The following NLGN1 variants were observed in gnomAD, a reference collection of about 807,000 sequenced individuals.
NLGN1 encodes neuroligin-1.
NLGN1 carries 12 observed loss-of-function variants against 65.5 expected under a neutral mutation model. That is an observed-to-expected ratio of 0.18 (90% CI 0.12 to 0.30). The LOEUF is 0.30. Ranked by LOEUF, NLGN1 falls within the 10% of genes least tolerant of loss-of-function variation. NLGN1 has a pLI of 1.00. For missense variants in NLGN1, 750 were observed against 1,007.1 expected, an observed-to-expected ratio of 0.74 and a Z score of 3.46; for synonymous variants, 350 against 359.5, an observed-to-expected ratio of 0.97 and a Z score of 0.30.
chr3:174,265,209 T>C (rs1183997362), intron 4 of NLGN1, among the ~76,000 whole-genome samples: 3,020 of 149,726 alleles, frequency 0.02, 113 homozygotes, highest in African/African-American at 0.057. Flanking sequence ...GGGCTCCACC[T>C]AGTTCGAGCT....
intron 4 of NLGN1, among the ~76,000 whole-genome samples, chr3:173,982,544 A>G (rs1230493541): frequency 6.6e-6 from 1 of 152,154 alleles, no homozygotes; most frequent in African/African-American, 2.4e-5. Flanking sequence ...TAATAAATTT[A>G]GAATAAGGGC....
At chr3:174,168,027 C>T (rs1727855356) in intron 4 of NLGN1, among the ~76,000 whole-genome samples, 1 of 151,482 alleles carries the variant, frequency 6.6e-6, no homozygotes, top group African/African-American at 2.4e-5. Context: ...TTTGAAATTC[C>T]TTAAGTTTTT....
At chr3:173,511,716 C>T (rs1577045334) in intron 2 of NLGN1, among the ~76,000 whole-genome samples, 1 of 151,770 alleles carries the variant, frequency 6.6e-6, no homozygotes, top group South Asian at 2.1e-4. Flanking sequence ...ATTGTCATAT[C>T]CTCAAGCTCA....
At chr3:174,110,771 A>G (rs577410990) in intron 4 of NLGN1, among the ~76,000 whole-genome samples, 15 of 152,114 alleles carry the variant, frequency 9.9e-5, no homozygotes, top group African/African-American at 3.6e-4. Context: ...CTTCATTTTA[A>G]AATATGTTTT....
At chr3:174,012,121 G>A (rs1725681356) in intron 4 of NLGN1, among the ~76,000 whole-genome samples, 1 of 152,084 alleles carries the variant, frequency 6.6e-6, no homozygotes, top group Non-Finnish European at 1.5e-5. Context: ...AGGCCACCAT[G>A]ACAATGAGTC....
At chr3:173,525,416 T>C (rs544029540) in intron 2 of NLGN1, among the ~76,000 whole-genome samples, 12 of 152,296 alleles carry the variant, frequency 7.9e-5, no homozygotes, top group African/African-American at 2.9e-4. Context: ...GAGACATTCA[T>C]AGTATTCCTT....
chr3:173,928,487 A>G (rs988093375), intron 4 of NLGN1, among the ~76,000 whole-genome samples: 7 of 152,166 alleles, frequency 4.6e-5, no homozygotes, highest in African/African-American at 1.7e-4. Flanking sequence ...GGAGATAGGA[A>G]CTATGTCACA....
intron 4 of NLGN1, among the ~76,000 whole-genome samples, chr3:174,016,262 CT>C (rs978268537): frequency 2.6e-5 from 4 of 152,096 alleles, no homozygotes; most frequent in Non-Finnish European, 4.4e-5. Context: ...ATCAGAGAAA[CT>C]TTTGGGTTAT....
intron 3 of NLGN1, among the ~76,000 whole-genome samples, chr3:173,662,306 C>T (rs1761041905): frequency 6.6e-6 from 1 of 151,976 alleles, no homozygotes; most frequent in Non-Finnish European, 1.5e-5. Flanking sequence ...AAATAATTTG[C>T]TTCTAGACAT....
intron 3 of NLGN1, among the ~76,000 whole-genome samples, chr3:173,742,858 A>G (rs995969324): frequency 2.0e-5 from 3 of 152,138 alleles, no homozygotes; most frequent in African/African-American, 7.2e-5. Flanking sequence ...GAAAAGCAGA[A>G]AATACATTTC....
chr3:174,041,151 G>A (rs1732216206), intron 4 of NLGN1, among the ~76,000 whole-genome samples: 1 of 152,024 alleles, frequency 6.6e-6, no homozygotes, highest in Admixed American at 6.6e-5. Context: ...ATTGCCACCT[G>A]TCCCCAAAGT....
intron 4 of NLGN1, among the ~76,000 whole-genome samples, chr3:173,896,138 A>G (rs926390847): frequency 4.6e-5 from 7 of 152,142 alleles, no homozygotes; most frequent in African/African-American, 1.7e-4. Flanking sequence ...TCTGCTAGGT[A>G]GTGTGCTTGA....
intron 4 of NLGN1, among the ~76,000 whole-genome samples, chr3:173,850,788 G>A (rs1223627852): frequency 6.6e-6 from 1 of 152,082 alleles, no homozygotes; most frequent in Non-Finnish European, 1.5e-5. Context: ...CCAGGCTAGA[G>A]TGCAGTGGCA....
chr3:173,759,249 T>C (rs1777596143), intron 3 of NLGN1, among the ~76,000 whole-genome samples: 1 of 152,000 alleles, frequency 6.6e-6, no homozygotes, highest in Non-Finnish European at 1.5e-5. Context: ...TTTCACTAAT[T>C]AACAACTCAT....
intron 3 of NLGN1, among the ~76,000 whole-genome samples, chr3:173,669,718 G>T (rs1246097113): frequency 6.6e-6 from 1 of 152,126 alleles, no homozygotes; most frequent in Non-Finnish European, 1.5e-5. Context: ...TCTAACTTCA[G>T]CATTAAATGG....
chr3:174,224,919 G>A (rs112233970), intron 4 of NLGN1, among the ~76,000 whole-genome samples: 1,783 of 152,248 alleles, frequency 0.012, 56 homozygotes, highest in African/African-American at 0.041. Flanking sequence ...GAGGTCAACT[G>A]ATGGGTCTAA....
chr3:173,521,771 C>T (rs1734800269), intron 2 of NLGN1, among the ~76,000 whole-genome samples: 1 of 152,160 alleles, frequency 6.6e-6, no homozygotes, highest in South Asian at 2.1e-4. Flanking sequence ...TTAATCTTCA[C>T]AGTTAATACT....
intron 3 of NLGN1, among the ~76,000 whole-genome samples, chr3:173,661,527 A>G (rs1159623855): frequency 1.3e-5 from 2 of 152,034 alleles, no homozygotes; most frequent in Non-Finnish European, 2.9e-5. Flanking sequence ...GCGAGATTAT[A>G]GAGCAGGAAT....
At chr3:173,456,011 G>A (rs914334260) in intron 2 of NLGN1, among the ~76,000 whole-genome samples, 2 of 152,006 alleles carry the variant, frequency 1.3e-5, no homozygotes, top group Admixed American at 1.3e-4. Flanking sequence ...TTCTATTTAG[G>A]CCCATAAGTG....
Sources: gnomAD v4.1 joint callset for allele counts (sites outside exome capture counted in the v4.1 genomes callset) on GRCh38, gnomAD v4.1.1 for gene constraint, MANE v1.5 for transcripts, NCBI Gene and HGNC (gene_info 2026-07-23, HGNC 2026-07-21) for gene names.